AEBP2: variants seen among roughly 807,000 people sequenced by gnomAD.
AEBP2 encodes AE binding protein 2, also known as zinc finger protein AEBP2.
AEBP2 carries 10 observed loss-of-function variants against 50.8 expected under a neutral mutation model. The ratio of observed to expected loss-of-function variants is 0.20; its 90% CI spans 0.12 to 0.33. The LOEUF (loss-of-function observed/expected upper bound fraction) is 0.33, where lower values mean the gene tolerates loss of function less well. Among genes scored for constraint, AEBP2 ranks in the 10% least tolerant of loss-of-function variants. The pLI, the probability that AEBP2 is intolerant of heterozygous loss-of-function variation, is 1.00. For missense variants in AEBP2, 570 were observed against 688.0 expected (o/e 0.83, Z 1.92); for synonymous variants, 296 against 261.3 (o/e 1.13, Z -1.28).
At chr12:19,440,595 C>T (rs1947937763) in intron 1 of AEBP2, 2 of 1,467,930 alleles carry the variant, frequency 1.4e-6, no homozygotes, top group Admixed American at 2.2e-5. Flanking sequence ...CTCCTTTCCC[C>T]GCCCTCTTTC....
intron 3 of AEBP2, among the ~76,000 whole-genome samples, chr12:19,489,123 G>A (rs937442270): frequency 6.6e-6 from 1 of 152,148 alleles, no homozygotes; most frequent in Non-Finnish European, 1.5e-5. Flanking sequence ...TTCAGTGGGA[G>A]ACCACATTTA....
chr12:19,520,614 C>T lies in AEBP2; in HGVS notation c.*2497C>T, dbSNP rs1949382772. 2.0e-5 allele frequency: 3 copies of T among 152,232 alleles called. No individual in the cohort carries two copies. Among genetic ancestry groups the T allele is most frequent in the African/African-American group, 7.2e-5 (3 of 41,524 alleles). 9.4% of individuals were successfully genotyped at this position (152,232 alleles called of 1,614,324 possible). Reference sequence around the variant, plus strand: ...GTTGCTCCTACCTTCAAATATGACACCTGAAATAATAAGTCTGTTGTCCAG... The same window carrying T: ...GTTGCTCCTACCTTCAAATATGACATCTGAAATAATAAGTCTGTTGTCCAG... On this transcript the variant is annotated 3_prime_UTR_variant, in exon 8 of 8. Transcript: ENST00000266508.
chr12:19,455,651 C>T (rs1032436751), intron 1 of AEBP2, among the ~76,000 whole-genome samples: 25 of 152,132 alleles, frequency 1.6e-4, no homozygotes, highest in Admixed American at 1.4e-3. Context: ...AGACAGGCTT[C>T]GAATTTCCAA....
chr12:19,516,077 C>T (rs1286416154), intron 7 of AEBP2, among the ~76,000 whole-genome samples: 1 of 152,044 alleles, frequency 6.6e-6, no homozygotes. Flanking sequence ...AGAGCGAGAA[C>T]CTGTCTCAAA....
Position 19,509,577 on chromosome 12 carries a change from C to T in AEBP2, c.1300-2821C>T, listed in dbSNP as rs1040792887. On this transcript the variant is annotated intron_variant, in intron 5 of 7. Coordinates refer to ENST00000266508, the MANE Select transcript of AEBP2 (RefSeq NM_153207.5). Reference sequence around the variant, plus strand: ...CCTGGGCAAAATGGTAAAACCCCGTCTCTAGAAAAAATAAAAAAGACATAC... The same window carrying T: ...CCTGGGCAAAATGGTAAAACCCCGTTTCTAGAAAAAATAAAAAAGACATAC... Among the ~76,000 whole-genome samples, 6 of 151,960 alleles carry T rather than the reference C, an allele frequency of 3.9e-5. No individual in the cohort carries two copies. The East Asian group carries it at 1.2e-3, about 29-fold the overall frequency.
intron 5 of AEBP2, among the ~76,000 whole-genome samples, chr12:19,500,797 A>G (rs1372419371): frequency 2.0e-5 from 3 of 152,218 alleles, no homozygotes; most frequent in African/African-American, 7.2e-5. Context: ...TTGTTGAATG[A>G]CTATGTTGTC....
intron 1 of AEBP2, among the ~76,000 whole-genome samples, chr12:19,457,827 A>T (rs1948297673): frequency 6.6e-6 from 1 of 152,212 alleles, no homozygotes; most frequent in Non-Finnish European, 1.5e-5. Context: ...AACCTGCTGA[A>T]TCAGAATCTG....
At chr12:19,443,975 T>G (rs960923881) in intron 1 of AEBP2, among the ~76,000 whole-genome samples, 12 of 152,066 alleles carry the variant, frequency 7.9e-5, no homozygotes, top group African/African-American at 2.7e-4. Flanking sequence ...ACTTTGGTTA[T>G]AAAGATAGTA....
chr12:19,436,847 G>A (rs922260477), upstream of AEBP2, among the ~76,000 whole-genome samples: 2 of 152,052 alleles, frequency 1.3e-5, no homozygotes, highest in Middle Eastern at 3.4e-3. Context: ...TGATCCCCCT[G>A]CTTCAGTTTC....
intron 3 of AEBP2, among the ~76,000 whole-genome samples, chr12:19,487,027 G>A (rs1948819504): frequency 6.6e-6 from 1 of 151,806 alleles, no homozygotes; most frequent in Non-Finnish European, 1.5e-5. Context: ...AATTTGCAAT[G>A]ATGTTGACCA....
chr12:19,499,136 T>G (rs1394579198), intron 4 of AEBP2, among the ~76,000 whole-genome samples: 1 of 152,204 alleles, frequency 6.6e-6, no homozygotes, highest in African/African-American at 2.4e-5. Flanking sequence ...TTACAATAAT[T>G]TACATTTTAC....
intron 3 of AEBP2, 137 bp from the exon 4 acceptor site, chr12:19,493,663 C>T (rs12824204): frequency 0.11 from 85,927 of 789,376 alleles, 5,152 homozygotes; most frequent in Middle Eastern, 0.16. Context: ...GACTACTAGT[C>T]CCTTATGCTT....
chr12:19,453,837 G>A (rs986081340), intron 1 of AEBP2, among the ~76,000 whole-genome samples: 1 of 151,432 alleles, frequency 6.6e-6, no homozygotes, highest in Non-Finnish European at 1.5e-5. Context: ...TCTGTCACCC[G>A]GGCTGGAGTG....
chr12:19,493,742 ATTC>A, intron 3 of AEBP2, 55 bp from the exon 4 acceptor site: 1 of 1,495,626 alleles, frequency 6.7e-7, no homozygotes, highest in Non-Finnish European at 9.1e-7. Flanking sequence ...ACTCATTGAT[ATTC>A]TTCTCGTGCC....
chr12:19,455,321 T>C (rs1287807701), intron 1 of AEBP2, among the ~76,000 whole-genome samples: 1 of 152,188 alleles, frequency 6.6e-6, no homozygotes, highest in Non-Finnish European at 1.5e-5. Flanking sequence ...CCCTTTAAGA[T>C]AATTGTGTTG....
chr12:19,494,981 A>G (rs1948950336), intron 4 of AEBP2, among the ~76,000 whole-genome samples: 1 of 150,648 alleles, frequency 6.6e-6, no homozygotes, highest in Non-Finnish European at 1.5e-5. Context: ...ATCTCGGCTC[A>G]CTGCAACCTC....
chr12:19,445,370 C>CTTTTT (rs55898072), intron 1 of AEBP2, among the ~76,000 whole-genome samples: 5 of 135,612 alleles, frequency 3.7e-5, no homozygotes, highest in Non-Finnish European at 4.8e-5. Context: ...TGCTCGTTTT[C>CTTTTT]TTTTTTTTTT....
chr12:19,512,291 A>G, intron 5 of AEBP2, 107 bp from the exon 6 acceptor site: 1 of 640,092 alleles, frequency 1.6e-6, no homozygotes, highest in Non-Finnish European at 2.6e-6. Flanking sequence ...AAGTGCTGGG[A>G]TTACAGGCAT....
chr12:19,486,312 C>T (rs988323534), intron 3 of AEBP2, among the ~76,000 whole-genome samples: 1 of 152,146 alleles, frequency 6.6e-6, no homozygotes, highest in Non-Finnish European at 1.5e-5. Context: ...AAACATTGCT[C>T]TGTAGTATTC....
Sources: gnomAD v4.1 joint callset for allele counts (sites outside exome capture counted in the v4.1 genomes callset) on GRCh38, gnomAD v4.1.1 for gene constraint, MANE v1.5 for transcripts, NCBI Gene and HGNC (gene_info 2026-07-23, HGNC 2026-07-21) for gene names.